Variants in TEAD1 observed in about 807,000 individuals in gnomAD.
The protein encoded by TEAD1 is TEA domain transcription factor 1.
A neutral mutation model predicts 54.9 loss-of-function variants in TEAD1; 9 were observed. That is an observed-to-expected ratio of 0.16 (90% CI 0.10 to 0.29). TEAD1 has a LOEUF of 0.29. Ranked by LOEUF, TEAD1 falls within the 10% of genes least tolerant of loss-of-function variation. TEAD1 has a pLI of 1.00. For synonymous variants in TEAD1, 200 were observed against 187.8 expected (o/e 1.07, Z -0.53); for missense variants, 387 against 535.9 (o/e 0.72, Z 2.74).
At chr11:12,689,176 A>G (rs1254042559) in intron 2 of TEAD1, among the ~76,000 whole-genome samples, 3 of 151,956 alleles carry the variant, frequency 2.0e-5, no homozygotes, top group African/African-American at 4.8e-5. Context: ...CTCTGCTCTT[A>G]TCACTTTAAG....
intron 2 of TEAD1, among the ~76,000 whole-genome samples, chr11:12,707,322 G>A (rs769095758): frequency 1.3e-5 from 2 of 152,136 alleles, no homozygotes; most frequent in East Asian, 3.9e-4. Flanking sequence ...CCAGCTGCCT[G>A]CCTCTATGTG....
intron 2 of TEAD1, among the ~76,000 whole-genome samples, chr11:12,681,997 C>G (rs889645022): frequency 1.3e-5 from 2 of 152,226 alleles, no homozygotes; most frequent in African/African-American, 4.8e-5. Flanking sequence ...GCTTTTACAG[C>G]CTGGGCACCA....
At chr11:12,777,012 C>CT (rs1945437429) in intron 3 of TEAD1, among the ~76,000 whole-genome samples, 2 of 151,932 alleles carry the variant, frequency 1.3e-5, no homozygotes, top group African/African-American at 2.4e-5. Flanking sequence ...AGGCTGGTCT[C>CT]TAACTCCCGA....
intron 2 of TEAD1, among the ~76,000 whole-genome samples, chr11:12,702,339 GTC>G (rs914887206): frequency 3.3e-5 from 5 of 152,152 alleles, no homozygotes; most frequent in African/African-American, 7.2e-5. Context: ...AGTGGAGTTT[GTC>G]TCTCTGGCTC....
At chr11:12,899,700 G>A (rs1948387801) in intron 9 of TEAD1, among the ~76,000 whole-genome samples, 1 of 152,114 alleles carries the variant, frequency 6.6e-6, no homozygotes, top group Admixed American at 6.5e-5. Flanking sequence ...TGTCTTACCT[G>A]CCAGGTGGCT....
intron 3 of TEAD1, chr11:12,848,930 A>G (rs1947211689): frequency 6.6e-6 from 1 of 152,200 alleles, no homozygotes; most frequent in Non-Finnish European, 1.5e-5. Flanking sequence ...AGCCTGGGCA[A>G]CAGAGTGAGA....
At chr11:12,894,534 T>C (rs1948268949) in intron 9 of TEAD1, among the ~76,000 whole-genome samples, 1 of 152,146 alleles carries the variant, frequency 6.6e-6, no homozygotes, top group South Asian at 2.1e-4. Context: ...CCACTCCACT[T>C]TTGGGAACAG....
At chr11:12,909,455 A>G (rs988890310) in intron 10 of TEAD1, among the ~76,000 whole-genome samples, 3 of 149,166 alleles carry the variant, frequency 2.0e-5, no homozygotes, top group Non-Finnish European at 4.4e-5. Context: ...GTTTTCACTC[A>G]TAAGTGGGAG....
rs184982551 is a variant in TEAD1, at chr11:12,875,834, A to G, written c.331-3874A>G. ...CTTCTCACTAGTAGTTTCCTTGACT[A>G]TATGCATTGAAAAGTATCTGTTTAT... On this transcript the variant is annotated intron_variant, in intron 5 of 12. Transcript: ENST00000527636. 4.5e-4 allele frequency among the ~76,000 whole-genome samples: 69 copies of G among 152,352 alleles called. No individual in the cohort carries two copies. The East Asian group carries it at 8.1e-3, about 18-fold the overall frequency.
At chr11:12,932,013 G>A (rs573017356) in intron 12 of TEAD1, among the ~76,000 whole-genome samples, 1 of 152,280 alleles carries the variant, frequency 6.6e-6, no homozygotes, top group African/African-American at 2.4e-5. Context: ...GACTCTCAGA[G>A]TTTATAGACA....
rs561904070 is a variant in TEAD1, at chr11:12,747,277, G to C, written c.-54-16902G>C. Among the ~76,000 whole-genome samples, 8 of 152,186 alleles carry C rather than the reference G, an allele frequency of 5.3e-5. No individual in the cohort carries two copies. The South Asian group carries it at 1.5e-3, about 28-fold the overall frequency. ...ACCTTTGAAAATTTGCAGTATAGCA[G>C]GGAAGAAGGTGGATATATTAGCAGT... On this transcript the variant is annotated intron_variant, in intron 2 of 12. Coordinates refer to ENST00000527636, the MANE Select transcript of TEAD1 (RefSeq NM_021961.6).
At position 12,817,178 on chromosome 11, in the gene TEAD1, G is replaced by A. The variant is rs957838718; in HGVS notation, c.203-45072G>A. 2.0e-5 allele frequency among the ~76,000 whole-genome samples: 3 copies of A among 152,118 alleles called. No homozygotes were observed. The East Asian group carries it at 5.8e-4, about 29-fold the overall frequency. On this transcript the variant is annotated intron_variant, in intron 3 of 12. Transcript: ENST00000527636. ...TGCCACGCTGATATTATTATCTCAC[G>A]CCTTTAAAGCCAGAATTTGTAATAA... is the stretch of plus-strand genomic sequence containing the variant.
chr11:12,679,648 C>CT (rs536683633), intron 2 of TEAD1, among the ~76,000 whole-genome samples: 87 of 147,488 alleles, frequency 5.9e-4, no homozygotes, highest in African/African-American at 1.7e-3. Context: ...AACTGTGCTG[C>CT]TTTTTTTTTT....
chr11:12,751,180 T>C (rs1243807271), intron 2 of TEAD1, among the ~76,000 whole-genome samples: 1 of 151,620 alleles, frequency 6.6e-6, no homozygotes, highest in Non-Finnish European at 1.5e-5. Flanking sequence ...CATGTGCCTG[T>C]AGTCCCAGCT....
chr11:12,794,185 T>C (rs1018866466), intron 3 of TEAD1, among the ~76,000 whole-genome samples: 2 of 152,218 alleles, frequency 1.3e-5, no homozygotes, highest in Admixed American at 1.3e-4. Context: ...AGGTTACTTA[T>C]CTCCGTTTTC....
chr11:12,902,591 A>G (rs1202965974), intron 10 of TEAD1, among the ~76,000 whole-genome samples: 2 of 152,142 alleles, frequency 1.3e-5, no homozygotes, highest in Non-Finnish European at 2.9e-5. Flanking sequence ...GGGGAATGCT[A>G]ATGGGTCAGA....
rs185855287 is a variant in TEAD1, at chr11:12,860,562, A to G, written c.203-1688A>G. Among the ~76,000 whole-genome samples, 3 of 152,292 alleles carry G rather than the reference A, an allele frequency of 2.0e-5. No homozygotes were observed. The East Asian group carries it at 5.8e-4, about 29-fold the overall frequency. On this transcript the variant is annotated intron_variant, in intron 3 of 12. Transcript: ENST00000527636. Reference sequence around the variant, plus strand: ...GATGTTCGTCTTCATCAGTGTTTCCAGTTCTTTACTCTGCTAGGGAAGATC... The same window carrying G: ...GATGTTCGTCTTCATCAGTGTTTCCGGTTCTTTACTCTGCTAGGGAAGATC...
intron 9 of TEAD1, among the ~76,000 whole-genome samples, chr11:12,884,704 G>A (rs572374676): frequency 6.6e-6 from 1 of 152,272 alleles, no homozygotes; most frequent in South Asian, 2.1e-4. Flanking sequence ...TGTAAATTGG[G>A]CCCATCAGGA....
intron 2 of TEAD1, among the ~76,000 whole-genome samples, chr11:12,693,744 T>C (rs1407031852): frequency 6.6e-6 from 1 of 152,256 alleles, no homozygotes; most frequent in African/African-American, 2.4e-5. Context: ...AGGTTCAGAC[T>C]GGTTTTGATT....
Sources: allele counts gnomAD v4.1 joint callset (sites outside exome capture counted in the v4.1 genomes callset), GRCh38; gene constraint gnomAD v4.1.1; transcripts MANE v1.5; gene names NCBI Gene and HGNC (gene_info 2026-07-23, HGNC 2026-07-21).